The following NRG3 variants were observed in gnomAD, a reference collection of about 807,000 sequenced individuals.
NRG3 encodes the protein neuregulin 3.
In NRG3, 31 loss-of-function variants were observed where a neutral mutation model predicts 66.9. That is an observed-to-expected ratio of 0.46 (90% CI 0.35 to 0.63). The LOEUF (loss-of-function observed/expected upper bound fraction) is 0.63. Ranked by LOEUF, NRG3 falls within the 20% of genes least tolerant of loss-of-function variation. NRG3 has a pLI of 0.00. For missense variants in NRG3, 910 were observed against 878.9 expected (o/e 1.04, Z -0.45); for synonymous variants, 393 against 359.4 (o/e 1.09, Z -1.06).
chr10:82,517,655 G>GTGTGTGTGTGCA (rs1845802074), intron 2 of NRG3, among the ~76,000 whole-genome samples: 1 of 127,598 alleles, frequency 7.8e-6, no homozygotes, highest in African/African-American at 3.7e-5. Flanking sequence ...TTGTGTGTGT[G>GTGTGTGTGTGCA]TGTGTGTGTG....
chr10:82,002,133 A>G (rs1050441174), intron 1 of NRG3, among the ~76,000 whole-genome samples: 1 of 152,168 alleles, frequency 6.6e-6, no homozygotes, highest in African/African-American at 2.4e-5. Flanking sequence ...TGTATAAACT[A>G]AAGAAAATTA....
At chr10:82,174,016 A>G (rs538202599) in intron 1 of NRG3, among the ~76,000 whole-genome samples, 2 of 152,122 alleles carry the variant, frequency 1.3e-5, no homozygotes, top group Non-Finnish European at 2.9e-5. Flanking sequence ...TCAGGTTCTC[A>G]TGCATCATCT....
intron 3 of NRG3, among the ~76,000 whole-genome samples, chr10:82,845,238 C>T (rs1225986834): frequency 2.0e-5 from 3 of 152,210 alleles, no homozygotes; most frequent in Non-Finnish European, 4.4e-5. Context: ...AGTGGTGCCT[C>T]ATACAGGACT....
chr10:82,879,440 T>TA, intron 4 of NRG3, among the ~76,000 whole-genome samples: 1 of 148,866 alleles, frequency 6.7e-6, no homozygotes, highest in South Asian at 2.1e-4. Context: ...CAGTAGCATA[T>TA]AAAAAATGGT....
chr10:82,414,563 G>A (rs1182294771), intron 2 of NRG3, among the ~76,000 whole-genome samples: 1 of 152,152 alleles, frequency 6.6e-6, no homozygotes, highest in Non-Finnish European at 1.5e-5. Flanking sequence ...TCGATGCAGG[G>A]TTGTCACAAA....
At chr10:82,711,288 T>C (rs979825567) in intron 2 of NRG3, among the ~76,000 whole-genome samples, 1 of 152,104 alleles carries the variant, frequency 6.6e-6, no homozygotes, top group Non-Finnish European at 1.5e-5. Flanking sequence ...AGCCCTGCCA[T>C]GTTGCCCAGG....
chr10:82,605,359 C>A (rs2047902392), intron 2 of NRG3, among the ~76,000 whole-genome samples: 1 of 151,780 alleles, frequency 6.6e-6, no homozygotes, highest in Admixed American at 6.6e-5. Flanking sequence ...TTCCTTTAAC[C>A]CATTGATATG....
Position 82,407,710 on chromosome 10 carries a change from G to A in NRG3, c.953+48842G>A, listed in dbSNP as rs182359776. On this transcript the variant is annotated intron_variant, in intron 2 of 8. Transcript: ENST00000372141. Reference sequence around the variant, plus strand: ...CTCACTCTGCCAGGCAATCTGAATGGAGCTAGACATTCAGTGGAGAATGAA... The same window carrying A: ...CTCACTCTGCCAGGCAATCTGAATGAAGCTAGACATTCAGTGGAGAATGAA... Among the ~76,000 whole-genome samples the A allele has an allele frequency of 3.9e-5, 6 of 152,186 alleles. No homozygotes were observed. In the East Asian group the frequency reaches 9.7e-4, roughly 25 times the overall value.
At chr10:82,282,527 C>T (rs902319201) in intron 1 of NRG3, among the ~76,000 whole-genome samples, 4 of 152,122 alleles carry the variant, frequency 2.6e-5, no homozygotes, top group African/African-American at 9.7e-5. Context: ...GACCAGAATG[C>T]CTGTGCTTGA....
chr10:81,883,972 A>G (rs956216196), intron 1 of NRG3, among the ~76,000 whole-genome samples: 1 of 152,194 alleles, frequency 6.6e-6, no homozygotes, highest in Non-Finnish European at 1.5e-5. Flanking sequence ...GTAGCACTGT[A>G]CATTCTTCGT....
intron 2 of NRG3, among the ~76,000 whole-genome samples, chr10:82,459,638 A>AATGTAGTCTGTGC (rs2091427073): frequency 6.6e-6 from 1 of 152,154 alleles, no homozygotes; most frequent in Non-Finnish European, 1.5e-5. Flanking sequence ...TCATCCTTTA[A>AATGTAGTCTGTGC]ATGTAGTCTG....
At chr10:82,816,083 G>C (rs2061692233) in intron 3 of NRG3, among the ~76,000 whole-genome samples, 1 of 152,232 alleles carries the variant, frequency 6.6e-6, no homozygotes, top group Non-Finnish European at 1.5e-5. Context: ...GCCCCAAAAA[G>C]GGTGTCACAG....
chr10:82,148,867 C>A (rs2070463639), intron 1 of NRG3, among the ~76,000 whole-genome samples: 1 of 152,124 alleles, frequency 6.6e-6, no homozygotes, highest in Admixed American at 6.6e-5. Context: ...ACCATCCACA[C>A]TTCTTGCTTG....
intron 1 of NRG3, among the ~76,000 whole-genome samples, chr10:82,270,227 G>T (rs761349694): frequency 7.9e-5 from 12 of 152,136 alleles, no homozygotes; most frequent in Non-Finnish European, 1.8e-4. Flanking sequence ...ATGGGATTAA[G>T]TGTGTAATCA....
Position 82,957,972 on chromosome 10 carries a change from G to A in NRG3, c.1158-977G>A, listed in dbSNP as rs183820700. On this transcript the variant is annotated intron_variant, in intron 5 of 8. Transcript: ENST00000372141. Reference sequence around the variant, plus strand: ...GTCTATGCTAATAGATGATTTCTGTGAAGCTTCTGGGACAGAGCTGCTGCT... The same window carrying A: ...GTCTATGCTAATAGATGATTTCTGTAAAGCTTCTGGGACAGAGCTGCTGCT... Among the ~76,000 whole-genome samples, 146 of 152,108 alleles carry A rather than the reference G, an allele frequency of 9.6e-4. 2 individuals are homozygous for A. In the South Asian group the frequency reaches 0.011, roughly 12 times the overall value.
intron 1 of NRG3, among the ~76,000 whole-genome samples, chr10:82,180,895 GT>G (rs1374271567): frequency 1.3e-5 from 2 of 151,778 alleles, no homozygotes; most frequent in Non-Finnish European, 3.0e-5. Flanking sequence ...TTGTTGGATA[GT>G]TTTTTGTTGT....
At position 82,238,081 on chromosome 10, in the gene NRG3, A is replaced by G. The variant is rs59923832; in HGVS notation, c.824-120658A>G. On this transcript the variant is annotated intron_variant, in intron 1 of 8. Coordinates refer to ENST00000372141, the MANE Select transcript of NRG3 (RefSeq NM_001010848.4). Reference sequence around the variant, plus strand: ...TATATTGGTAGTAATCTTAAAGTTAATACTCTAGCTGCATATCTCAGAATG... The same window carrying G: ...TATATTGGTAGTAATCTTAAAGTTAGTACTCTAGCTGCATATCTCAGAATG... Among the ~76,000 whole-genome samples the G allele has an allele frequency of 5.3e-3, 811 of 152,306 alleles. 9 individuals carry two copies. Among genetic ancestry groups the G allele is most frequent in the African/African-American group, 0.019 (779 of 41,580 alleles).
At chr10:82,207,829 G>T (rs1004107018) in intron 1 of NRG3, among the ~76,000 whole-genome samples, 1 of 152,138 alleles carries the variant, frequency 6.6e-6, no homozygotes, top group Admixed American at 6.6e-5. Flanking sequence ...ACGGCATGGG[G>T]AGAAACTGCC....
At chr10:82,393,881 A>G (rs1300326797) in intron 2 of NRG3, among the ~76,000 whole-genome samples, 1 of 152,118 alleles carries the variant, frequency 6.6e-6, no homozygotes, top group African/African-American at 2.4e-5. Context: ...CATATTTGGA[A>G]CTGTTTTATT....
Sources: allele counts gnomAD v4.1 joint callset (sites outside exome capture counted in the v4.1 genomes callset), GRCh38; gene constraint gnomAD v4.1.1; transcripts MANE v1.5; gene names NCBI Gene and HGNC (gene_info 2026-07-23, HGNC 2026-07-21).